The following MOB3B variants were observed in gnomAD, a reference collection of about 807,000 sequenced individuals.
The protein encoded by MOB3B is MOB kinase activator 3B.
A neutral mutation model predicts 18.7 loss-of-function variants in MOB3B; 7 were observed. The observed-to-expected ratio is 0.37, with a 90% CI of 0.21 to 0.70. MOB3B has a LOEUF of 0.70. MOB3B is among the 30% of genes least tolerant of loss of function. MOB3B has a pLI of 0.52. For missense variants in MOB3B, 253 were observed against 281.3 expected (o/e 0.90, Z 0.72); for synonymous variants, 111 against 99.9 (o/e 1.11, Z -0.66).
intron 3 of MOB3B, 54 bp from the exon 4 acceptor site, chr9:27,330,670 T>C: frequency 1.9e-6 from 3 of 1,611,244 alleles, no homozygotes; most frequent in East Asian, 2.2e-5. Context: ...AGAGCAACGA[T>C]TTGGTGAAGG....
At chr9:27,476,446 G>T (rs1002153345) in intron 1 of MOB3B, among the ~76,000 whole-genome samples, 2 of 152,092 alleles carry the variant, frequency 1.3e-5, no homozygotes, top group Non-Finnish European at 1.5e-5. Context: ...TATCCTTCCT[G>T]TGTGTATGTC....
intron 1 of MOB3B, among the ~76,000 whole-genome samples, chr9:27,504,235 C>T (rs1820027459): frequency 6.6e-6 from 1 of 152,158 alleles, no homozygotes; most frequent in Admixed American, 6.5e-5. Context: ...CTGCCTGTCC[C>T]CCAGTCCAGT....
At chr9:27,496,985 A>G (rs558472037) in intron 1 of MOB3B, among the ~76,000 whole-genome samples, 73 of 152,306 alleles carry the variant, frequency 4.8e-4, no homozygotes, top group Middle Eastern at 3.4e-3. Context: ...TTTCCCAAAC[A>G]TTTTCAAAGT....
Position 27,330,542 on chromosome 9 carries a change from C to T in MOB3B, c.*45G>A, listed in dbSNP as rs759942373. ...TCCACCTCCTGCCCGCTCAGGGCAC[C>T]AGGAGGAAACAGCTTTCCTTTCTTC... On this transcript the variant is annotated 3_prime_UTR_variant, in exon 4 of 4. Coordinates refer to ENST00000262244, the MANE Select transcript of MOB3B (RefSeq NM_024761.5). The T allele has an allele frequency of 2.5e-6, 4 of 1,613,152 alleles. No individual in the cohort carries two copies. The African/African-American group carries it at 5.3e-5, about 22-fold the overall frequency.
intron 2 of MOB3B, among the ~76,000 whole-genome samples, chr9:27,399,365 C>T (rs532953213): frequency 4.3e-4 from 65 of 152,248 alleles, no homozygotes; most frequent in African/African-American, 1.5e-3. Context: ...AGAGAGGAGA[C>T]GACGAAGCAC....
chr9:27,413,474 A>G (rs2131404104), intron 2 of MOB3B, among the ~76,000 whole-genome samples: 1 of 152,348 alleles, frequency 6.6e-6, no homozygotes, highest in African/African-American at 2.4e-5. Context: ...GACAAAGAAT[A>G]AAGTTGCATT....
At chr9:27,451,908 G>A (rs1480212842) in intron 2 of MOB3B, among the ~76,000 whole-genome samples, 1 of 152,114 alleles carries the variant, frequency 6.6e-6, no homozygotes, top group Non-Finnish European at 1.5e-5. Flanking sequence ...CTAATAATAC[G>A]TTCTTCCAAA....
intron 2 of MOB3B, among the ~76,000 whole-genome samples, chr9:27,412,117 G>A (rs1822076687): frequency 6.6e-6 from 1 of 151,714 alleles, no homozygotes; most frequent in Non-Finnish European, 1.5e-5. Context: ...GAGAATATGG[G>A]GCAAAGGTGA....
At chr9:27,437,731 G>C (rs1257014451) in intron 2 of MOB3B, among the ~76,000 whole-genome samples, 1 of 152,184 alleles carries the variant, frequency 6.6e-6, no homozygotes, top group African/African-American at 2.4e-5. Flanking sequence ...AGAAGCGAGA[G>C]TCATCCACAG....
chr9:27,424,373 T>C (rs1031645831), intron 2 of MOB3B, among the ~76,000 whole-genome samples: 4 of 152,330 alleles, frequency 2.6e-5, no homozygotes, highest in Admixed American at 2.6e-4. Flanking sequence ...CAGAATAATG[T>C]GTATGAGGCT....
Position 27,529,769 on chromosome 9 carries a change from C to G in MOB3B, c.-413G>C. 1.0e-6 allele frequency: 1 copy of G among 985,362 alleles called. No homozygotes were observed. Among genetic ancestry groups the G allele is most frequent in the Non-Finnish European group, 1.2e-6 (1 of 829,888 alleles). 61.0% of individuals were successfully genotyped at this position (985,362 alleles called of 1,614,324 possible). A position where few individuals can be genotyped will look rare whatever the true frequency, so the allele number is the denominator to read the frequency against. On this transcript the variant is annotated 5_prime_UTR_variant, in exon 1 of 4. Transcript: ENST00000262244. ...TGCAGCCGCCGTCGCTCCGGAGCAG[C>G]CCCCTCATGCACCCAGCGCGCCGCG...
chr9:27,353,683 C>T (rs760456278), intron 3 of MOB3B, among the ~76,000 whole-genome samples: 3 of 152,152 alleles, frequency 2.0e-5, no homozygotes, highest in Non-Finnish European at 4.4e-5. Flanking sequence ...TCCTCCCCAC[C>T]TCACGAATCT....
At chr9:27,472,401 A>G (rs1326653444) in intron 1 of MOB3B, among the ~76,000 whole-genome samples, 1 of 152,056 alleles carries the variant, frequency 6.6e-6, no homozygotes, top group Non-Finnish European at 1.5e-5. Context: ...GCTGAGCCAA[A>G]CCCCTGCGGC....
At position 27,399,830 on chromosome 9, in the gene MOB3B, G is replaced by A. The variant is rs185185781; in HGVS notation, c.419-40594C>T. Among the ~76,000 whole-genome samples the A allele has an allele frequency of 1.2e-4, 18 of 152,148 alleles. 1 individual carries two copies. The East Asian group carries it at 2.7e-3, about 23-fold the overall frequency. ...CAAATGAGATCGTATCTTCCTACAC[G>A]TGCCTAATCCTGTGCCACATAGCTC... is the stretch of plus-strand genomic sequence containing the variant. On this transcript the variant is annotated intron_variant, in intron 2 of 3. Transcript: ENST00000262244.
chr9:27,526,899 G>C (rs1379561625), intron 1 of MOB3B, among the ~76,000 whole-genome samples: 1 of 152,224 alleles, frequency 6.6e-6, no homozygotes, highest in Non-Finnish European at 1.5e-5. Context: ...AGGAGCCTTT[G>C]TGCATTACTG....
At chr9:27,450,689 T>C (rs994755590) in intron 2 of MOB3B, among the ~76,000 whole-genome samples, 3 of 152,160 alleles carry the variant, frequency 2.0e-5, no homozygotes, top group Non-Finnish European at 2.9e-5. Context: ...AATGGCAGCA[T>C]AGGACAAAGG....
At chr9:27,344,198 C>G (rs914574466) in intron 3 of MOB3B, among the ~76,000 whole-genome samples, 2 of 151,870 alleles carry the variant, frequency 1.3e-5, no homozygotes, top group Non-Finnish European at 2.9e-5. Flanking sequence ...TGAAACGAAA[C>G]AAAAATCCTC....
In MOB3B at chr9:27,329,255, G is replaced by C. The variant is rs1481765001; in HGVS notation, c.*1332C>G. ...CACTGGAAGTATTATGACCCCCCTC[G>C]TCACAGGTGGTCAGAACCACCACAG... On this transcript the variant is annotated 3_prime_UTR_variant, in exon 4 of 4. Transcript: ENST00000262244. 1 of 151,946 alleles carries C rather than the reference G, an allele frequency of 6.6e-6. No individual in the cohort carries two copies. The highest frequency in any genetic ancestry group is 1.5e-5 in the Non-Finnish European group (1 of 67,998). 9.4% of individuals were successfully genotyped at this position (151,946 alleles called of 1,614,324 possible). A position where few individuals can be genotyped will look rare whatever the true frequency, so the allele number is the denominator to read the frequency against.
Position 27,396,546 on chromosome 9 carries a change from T to A in MOB3B, c.419-37310A>T, listed in dbSNP as rs185954492. 2.6e-5 allele frequency among the ~76,000 whole-genome samples: 4 copies of A among 152,334 alleles called. No homozygotes were observed. The East Asian group carries it at 7.7e-4, about 29-fold the overall frequency. On this transcript the variant is annotated intron_variant, in intron 2 of 3. Transcript: ENST00000262244. The stretch of plus-strand genomic sequence containing the variant: ...CCCTAAATGATATGTACCTTGTTTT[T>A]TCTTCCTTTCTAATCATATTTCCTT...
Sources: allele counts gnomAD v4.1 joint callset (sites outside exome capture counted in the v4.1 genomes callset), GRCh38; gene constraint gnomAD v4.1.1; transcripts MANE v1.5; gene names NCBI Gene and HGNC (gene_info 2026-07-23, HGNC 2026-07-21).